The following NTRK3 variants were observed in gnomAD, a reference collection of about 807,000 sequenced individuals.
The protein encoded by NTRK3 is neurotrophic receptor tyrosine kinase 3, also known as NT-3 growth factor receptor.
Under a neutral mutation model 91.7 loss-of-function variants are expected in NTRK3, and 24 were observed. The observed-to-expected ratio is 0.26, with a 90% CI of 0.19 to 0.37. The LOEUF is 0.37. Among genes scored for constraint, NTRK3 ranks in the 10% least tolerant of loss-of-function variants. The probability of loss-of-function intolerance (pLI) is 1.00; values close to 1 mark genes in which losing one functional copy is unlikely to be tolerated. For missense variants in NTRK3, 880 were observed against 1,068.9 expected (o/e 0.82, Z 2.46); for synonymous variants, 483 against 404.0 (o/e 1.20, Z -2.34).
intron 14 of NTRK3, among the ~76,000 whole-genome samples, chr15:87,958,182 A>C (rs2071873374): frequency 6.6e-6 from 1 of 152,216 alleles, no homozygotes; most frequent in African/African-American, 2.4e-5. Flanking sequence ...GGCGTGTTTC[A>C]CATACAGGAT....
intron 14 of NTRK3, chr15:87,981,469 C>A: frequency 6.7e-7 from 1 of 1,485,192 alleles, no homozygotes; most frequent in Non-Finnish European, 9.3e-7. Context: ...AACAGAAATC[C>A]AGGTTTCTCA....
At chr15:87,902,848 A>G (rs2066533329) in intron 17 of NTRK3, among the ~76,000 whole-genome samples, 1 of 152,176 alleles carries the variant, frequency 6.6e-6, no homozygotes, top group Admixed American at 6.5e-5. Context: ...AGGCCCATGT[A>G]AAAACCGACA....
intron 13 of NTRK3, among the ~76,000 whole-genome samples, chr15:88,044,986 G>A (rs534068392): frequency 6.6e-6 from 1 of 152,334 alleles, no homozygotes; most frequent in East Asian, 1.9e-4. Context: ...ACTATTGCAG[G>A]TGCTTCTGGC....
chr15:88,032,962 G>C (rs1305656648), exon 14 of NTRK3: 1 of 1,612,750 alleles, frequency 6.2e-7, no homozygotes, highest in African/African-American at 1.3e-5. Flanking sequence ...CCGGCATCCA[G>C]TGACGAGGGC....
chr15:88,087,919 C>T (rs867718994), intron 13 of NTRK3, among the ~76,000 whole-genome samples: 2 of 152,250 alleles, frequency 1.3e-5, no homozygotes, highest in South Asian at 2.1e-4. Context: ...GGCATGGTGG[C>T]ATGCCCTATT....
At chr15:88,105,878 G>A (rs1480839247) in intron 13 of NTRK3, among the ~76,000 whole-genome samples, 8 of 152,252 alleles carry the variant, frequency 5.3e-5, no homozygotes, top group East Asian at 1.9e-4. Flanking sequence ...CACCATTCAC[G>A]TTTACAGATG....
intron 13 of NTRK3, among the ~76,000 whole-genome samples, chr15:88,054,365 C>T (rs532091404): frequency 3.9e-5 from 6 of 152,248 alleles, no homozygotes; most frequent in African/African-American, 7.2e-5. Flanking sequence ...CTGCCCACCC[C>T]GGTCCCAGCC....
chr15:87,928,047 T>C (rs529315273), intron 17 of NTRK3: 1 of 152,406 alleles, frequency 6.6e-6, no homozygotes, highest in Admixed American at 6.5e-5. Context: ...TGGTGTGATC[T>C]TGGCTCACTG....
intron 14 of NTRK3, among the ~76,000 whole-genome samples, chr15:87,987,525 A>ATG (rs140007526): frequency 0.063 from 9,313 of 148,366 alleles, 791 homozygotes; most frequent in African/African-American, 0.2. Context: ...AGATAGATAG[A>ATG]TGTGTGTGTG....
chr15:88,171,579 C>T (rs965865865), intron 5 of NTRK3, among the ~76,000 whole-genome samples: 2 of 152,220 alleles, frequency 1.3e-5, no homozygotes, highest in Admixed American at 6.5e-5. Context: ...ATGCCATTTA[C>T]TGAGTACCTA....
chr15:88,172,786 G>A (rs968675952), intron 5 of NTRK3, among the ~76,000 whole-genome samples: 4 of 152,138 alleles, frequency 2.6e-5, no homozygotes, highest in African/African-American at 7.2e-5. Context: ...GGGGGTTGGG[G>A]GGCATGAGTA....
At chr15:88,127,637 C>T (rs1299539614) in intron 11 of NTRK3, among the ~76,000 whole-genome samples, 1 of 152,198 alleles carries the variant, frequency 6.6e-6, no homozygotes, top group Non-Finnish European at 1.5e-5. Context: ...CATTCTGCTA[C>T]TCCTTGCCAC....
intron 5 of NTRK3, among the ~76,000 whole-genome samples, chr15:88,179,028 C>T (rs1442297179): frequency 1.3e-5 from 2 of 152,170 alleles, no homozygotes; most frequent in Non-Finnish European, 2.9e-5. Context: ...ACTGTATAAC[C>T]TTAGGAGAAC....
intron 5 of NTRK3, among the ~76,000 whole-genome samples, chr15:88,181,210 C>T (rs1271060297): frequency 6.6e-6 from 1 of 152,178 alleles, no homozygotes; most frequent in Non-Finnish European, 1.5e-5. Context: ...AAACAGGGCC[C>T]AAAGTCATGG....
intron 13 of NTRK3, among the ~76,000 whole-genome samples, chr15:88,036,608 G>A (rs2079092989): frequency 6.6e-6 from 1 of 152,200 alleles, no homozygotes; most frequent in Non-Finnish European, 1.5e-5. Context: ...TCAAGCCGCA[G>A]GGCTGCGGGA....
chr15:87,915,327 C>T (rs1596231952), intron 17 of NTRK3, among the ~76,000 whole-genome samples: 1 of 152,352 alleles, frequency 6.6e-6, no homozygotes, highest in African/African-American at 2.4e-5. Context: ...GTGCATCACC[C>T]TAAGCTCTCC....
chr15:88,238,682 T>A (rs2052034469), intron 3 of NTRK3, among the ~76,000 whole-genome samples: 1 of 152,258 alleles, frequency 6.6e-6, no homozygotes, highest in Non-Finnish European at 1.5e-5. Context: ...TCACCAGCAT[T>A]ATGTTTTCAA....
At chr15:87,973,614 C>T (rs1454424896) in intron 14 of NTRK3, among the ~76,000 whole-genome samples, 4 of 152,094 alleles carry the variant, frequency 2.6e-5, no homozygotes, top group Non-Finnish European at 5.9e-5. Flanking sequence ...CAAGCAGTTT[C>T]GCCCACATCA....
intron 3 of NTRK3, among the ~76,000 whole-genome samples, chr15:88,207,600 G>C (rs1032759979): frequency 1.3e-5 from 2 of 152,188 alleles, no homozygotes; most frequent in Non-Finnish European, 2.9e-5. Context: ...TCTGGAGAAG[G>C]ATATCCTGCC....
Sources: allele counts gnomAD v4.1 joint callset (sites outside exome capture counted in the v4.1 genomes callset), GRCh38; gene constraint gnomAD v4.1.1; transcripts MANE v1.5; gene names NCBI Gene and HGNC (gene_info 2026-07-23, HGNC 2026-07-21).